Variants in DSE observed in about 807,000 individuals in gnomAD.
DSE encodes the protein dermatan-sulfate epimerase.
In DSE, 36 loss-of-function variants were observed where a neutral mutation model predicts 84.4. The ratio of observed to expected loss-of-function variants is 0.43; its 90% CI spans 0.33 to 0.56. DSE has a LOEUF of 0.56. DSE is among the 20% of genes least tolerant of loss of function. The pLI is 0.06. For missense variants in DSE, 862 were observed against 1,169.6 expected (o/e 0.74, Z 3.84); for synonymous variants, 410 against 430.1 (o/e 0.95, Z 0.58).
chr6:116,347,869 G>T (rs1396374068), intron 2 of DSE, among the ~76,000 whole-genome samples: 2 of 152,148 alleles, frequency 1.3e-5, no homozygotes, highest in Admixed American at 1.3e-4. Context: ...CCTACACAAT[G>T]GGAGAAAATT....
chr6:116,373,589 C>T (rs897202474), intron 1 of DSE, among the ~76,000 whole-genome samples: 5 of 152,164 alleles, frequency 3.3e-5, no homozygotes, highest in Admixed American at 6.5e-5. Context: ...TTACGAAATT[C>T]GTTCAGAAAC....
chr6:116,360,970 A>T (rs1424750248), intron 2 of DSE, among the ~76,000 whole-genome samples: 2 of 152,212 alleles, frequency 1.3e-5, no homozygotes, highest in East Asian at 3.9e-4. Flanking sequence ...TTATTGTAAA[A>T]TTTGAGGAAA....
At chr6:116,308,702 G>A (rs1332191222) in intron 2 of DSE, among the ~76,000 whole-genome samples, 4 of 151,656 alleles carry the variant, frequency 2.6e-5, no homozygotes, top group Non-Finnish European at 5.9e-5. Flanking sequence ...TTTTGAGATG[G>A]AGTCTCACTC....
chr6:116,294,062 C>T (rs1026083170), intron 2 of DSE, among the ~76,000 whole-genome samples: 1 of 151,816 alleles, frequency 6.6e-6, no homozygotes, highest in Non-Finnish European at 1.5e-5. Context: ...CTCACTCTGT[C>T]ACCCAGGCTG....
intron 2 of DSE, among the ~76,000 whole-genome samples, chr6:116,281,558 C>T (rs1010526988): frequency 8.5e-5 from 13 of 152,110 alleles, no homozygotes; most frequent in African/African-American, 4.8e-5. Flanking sequence ...ATCTGTCTTT[C>T]AATATCAAGA....
At chr6:116,387,554 C>T (rs1446831125) in intron 1 of DSE, among the ~76,000 whole-genome samples, 1 of 152,150 alleles carries the variant, frequency 6.6e-6, no homozygotes, top group East Asian at 1.9e-4. Context: ...GATTGAGACA[C>T]TGCAGGCAGC....
chr6:116,340,840 AG>A (rs1484767962), intron 2 of DSE, among the ~76,000 whole-genome samples: 4 of 152,166 alleles, frequency 2.6e-5, no homozygotes, highest in Admixed American at 6.5e-5. Context: ...ATGGCTGCAT[AG>A]TATTCCGTGG....
chr6:116,299,420 C>G (rs1774855816), intron 2 of DSE, among the ~76,000 whole-genome samples: 1 of 148,918 alleles, frequency 6.7e-6, no homozygotes, highest in South Asian at 2.1e-4. Context: ...GTTTAGAAAG[C>G]TATAAGGGAA....
chr6:116,422,922 G>A (rs1583213971), intron 2 of DSE, among the ~76,000 whole-genome samples: 2 of 152,188 alleles, frequency 1.3e-5, no homozygotes, highest in South Asian at 4.1e-4. Flanking sequence ...CTTACTTTGA[G>A]AACAGCTGCT....
At chr6:116,434,592 G>C (rs1400995472) in intron 5 of DSE, among the ~76,000 whole-genome samples, 1 of 152,128 alleles carries the variant, frequency 6.6e-6, no homozygotes, top group Non-Finnish European at 1.5e-5. Flanking sequence ...TAATAGGTCA[G>C]ATTAATGCTA....
chr6:116,273,362 GA>G (rs1166422503), intron 2 of DSE, among the ~76,000 whole-genome samples: 1 of 152,180 alleles, frequency 6.6e-6, no homozygotes, highest in African/African-American at 2.4e-5. Flanking sequence ...TGGCTTGATA[GA>G]AACTCTTCTA....
At chr6:116,256,246 C>G (rs1448025332) in intron 1 of DSE, 2 of 152,190 alleles carry the variant, frequency 1.3e-5, no homozygotes, top group Non-Finnish European at 2.9e-5. Context: ...TTACGTTTCA[C>G]TGAATGACAG....
intron 2 of DSE, among the ~76,000 whole-genome samples, chr6:116,287,149 A>T (rs947373616): frequency 1.3e-5 from 2 of 152,100 alleles, no homozygotes; most frequent in African/African-American, 4.8e-5. Flanking sequence ...GCCTGGCTTG[A>T]ATTAAAACTC....
chr6:116,414,299 T>C (rs2115031848), intron 2 of DSE, among the ~76,000 whole-genome samples: 1 of 152,340 alleles, frequency 6.6e-6, no homozygotes. Flanking sequence ...TGTTCTTGGC[T>C]TGCAAATGCA....
intron 2 of DSE, chr6:116,400,427 A>G (rs1300170515): frequency 6.6e-6 from 1 of 152,230 alleles, no homozygotes; most frequent in East Asian, 1.9e-4. Context: ...TTACAGATTG[A>G]TGAAATTTTT....
At chr6:116,274,823 A>T (rs1295468363) in intron 2 of DSE, among the ~76,000 whole-genome samples, 1 of 152,166 alleles carries the variant, frequency 6.6e-6, no homozygotes, top group Non-Finnish European at 1.5e-5. Flanking sequence ...TAAGCAAGAT[A>T]ACCCTTATCT....
At chr6:116,367,427 A>G (rs1385051384), upstream of DSE, among the ~76,000 whole-genome samples, 1 of 152,264 alleles carries the variant, frequency 6.6e-6, no homozygotes, top group Non-Finnish European at 1.5e-5. Context: ...CATAAAAGGC[A>G]GATTAAAATT....
chr6:116,384,280 C>T (rs891122251), intron 1 of DSE, among the ~76,000 whole-genome samples: 4 of 151,942 alleles, frequency 2.6e-5, no homozygotes, highest in Admixed American at 6.6e-5. Context: ...CAAGATGGGC[C>T]GAAAATTTTG....
At chr6:116,388,182 T>C (rs886614228) in intron 1 of DSE, among the ~76,000 whole-genome samples, 2 of 152,124 alleles carry the variant, frequency 1.3e-5, no homozygotes, top group Admixed American at 6.5e-5. Context: ...CCATTTGCAC[T>C]CTGGAGACCC....
Sources: gnomAD v4.1 joint callset for allele counts (sites outside exome capture counted in the v4.1 genomes callset) on GRCh38, gnomAD v4.1.1 for gene constraint, MANE v1.5 for transcripts, NCBI Gene and HGNC (gene_info 2026-07-23, HGNC 2026-07-21) for gene names.